PLCD1: variants seen among roughly 807,000 people sequenced by gnomAD.
PLCD1 encodes the protein 1-phosphatidylinositol 4,5-bisphosphate phosphodiesterase delta-1.
Under a neutral mutation model 87.4 loss-of-function variants are expected in PLCD1, and 71 were observed. The observed-to-expected ratio is 0.81, with a 90% CI of 0.67 to 0.99. The LOEUF (loss-of-function observed/expected upper bound fraction) is 0.99, where lower values mean the gene tolerates loss of function less well. Ranked by LOEUF, PLCD1 falls within the 50% of genes least tolerant of loss-of-function variation. PLCD1 has a pLI of 0.00. For missense variants in PLCD1, 867 were observed against 1,001.5 expected (o/e 0.87, Z 1.81); for synonymous variants, 348 against 399.2 (o/e 0.87, Z 1.53).
At chr3:38,026,167 A>G (rs1226716598) in intron 1 of PLCD1, among the ~76,000 whole-genome samples, 1 of 152,186 alleles carries the variant, frequency 6.6e-6, no homozygotes, top group Non-Finnish European at 1.5e-5. Context: ...AGATAGAATA[A>G]CATCTCAAAA....
At position 38,009,323 on chromosome 3, in the gene PLCD1, CGTA is replaced by C; in HGVS notation, c.1552_1554del (p.Tyr518del). The stretch of plus-strand genomic sequence containing the variant: ...CGGTTCTCAGAGAAGGACGCCATCT[CGTA>C]GAAGGCCTGTCCAGGGGTGCCAGGA... On this transcript the variant is annotated inframe_deletion, in exon 10 of 15. Coordinates refer to ENST00000334661, the MANE Select transcript of PLCD1 (RefSeq NM_006225.4). 6.2e-7 allele frequency: 1 copy of C among 1,614,172 alleles called. No individual in the cohort carries two copies. The highest frequency in any genetic ancestry group is 8.5e-7 in the Non-Finnish European group (1 of 1,180,016).
At chr3:38,024,575 A>T (rs1700283720) in intron 1 of PLCD1, 1 of 1,508,106 alleles carries the variant, frequency 6.6e-7, no homozygotes, top group Non-Finnish European at 8.9e-7. Flanking sequence ...GAGTCCAGGA[A>T]TGGGAGGGAG....
At position 38,008,249 on chromosome 3, in the gene PLCD1, A is replaced by C; in HGVS notation, c.2021T>G (p.Val674Gly). Residue 674 changes from valine to glycine, a missense_variant, in exon 13 of 15, where the codon GTC (valine) becomes GGC (glycine). Val to Gly is a moderately radical substitution (Grantham distance 109). Coordinates refer to ENST00000334661, the MANE Select transcript of PLCD1 (RefSeq NM_006225.4). ...SRDVASRQTA[V>G]ITNNGFNPWW... ...CCAGCACCTACCATTGTTGGTGATGACAGCAGTCTGGCGGCTGGCCACGTC... is the reference window on the plus strand; with the variant it reads ...CCAGCACCTACCATTGTTGGTGATGCCAGCAGTCTGGCGGCTGGCCACGTC... The C allele has an allele frequency of 6.2e-7, 1 of 1,614,174 alleles. No homozygotes were observed. Among genetic ancestry groups the C allele is most frequent in the Non-Finnish European group, 8.5e-7 (1 of 1,180,054 alleles).
rs367622329 is a variant in PLCD1 at position 38,010,472 on chromosome 3, A to G, written c.881T>C (p.Val294Ala). Reference protein sequence around the residue: ...GSAFSLAHRRVYQDMGQPLSH... With the variant: ...GSAFSLAHRRAYQDMGQPLSH... ...AAGTGGCTGGCCCATGTCCTGGTAG[A>G]CACGGCGGTGTGCCAGGCTGAAGGC... Residue 294 changes from valine (V) to alanine (A), a missense_variant, in exon 6 of 15, where the codon GTC (valine) becomes GCC (alanine). Physicochemically the swap from Val to Ala is moderately conservative, Grantham distance 64. Coordinates refer to ENST00000334661, the MANE Select transcript of PLCD1 (RefSeq NM_006225.4). 1.1e-4 allele frequency: 174 copies of G among 1,614,038 alleles called. No homozygotes were observed. The highest frequency in any genetic ancestry group is 1.4e-4 in the Non-Finnish European group (161 of 1,180,006).
chr3:38,011,814 G>C (rs1003090551), intron 3 of PLCD1, 141 bp from the exon 4 acceptor site: 1 of 775,008 alleles, frequency 1.3e-6, no homozygotes, highest in South Asian at 1.5e-5. Context: ...TGTTTCAGTG[G>C]CCTCTTCAGA....
chr3:38,009,474 G>T (rs1170288665), intron 9 of PLCD1, 43 bp from the exon 10 acceptor site: 2 of 1,607,796 alleles, frequency 1.2e-6, no homozygotes, highest in Non-Finnish European at 1.7e-6. Context: ...AGTGGTTGGG[G>T]TAGGGTAGGC....
intron 3 of PLCD1, among the ~76,000 whole-genome samples, chr3:38,013,901 C>T (rs530893145): frequency 6.6e-6 from 1 of 152,230 alleles, no homozygotes; most frequent in East Asian, 1.9e-4. Context: ...TAACAGGGCT[C>T]AAAATGTGTC....
chr3:38,024,466 C>T (rs952372974), intron 1 of PLCD1: 1 of 1,596,078 alleles, frequency 6.3e-7, no homozygotes, highest in Non-Finnish European at 8.5e-7. Flanking sequence ...TGCGCGGAGC[C>T]GGGTCCGGGG....
In PLCD1 at chr3:38,010,484, G is replaced by C; in HGVS notation, c.869C>G (p.Ala290Gly). 1 of 1,614,058 alleles carries C rather than the reference G, an allele frequency of 6.2e-7. No homozygotes were observed. The highest frequency in any genetic ancestry group is 1.1e-5 in the South Asian group (1 of 91,084). The change falls in exon 6 of 15, where the codon GCA (alanine) becomes GGA (glycine). Residue 290 changes from alanine (A) to glycine (G), a missense_variant. Coordinates refer to ENST00000334661, the MANE Select transcript of PLCD1 (RefSeq NM_006225.4). ...CATGTCCTGGTAGACACGGCGGTGTGCCAGGCTGAAGGCGCTGCCGTCAGC... is the reference window on the plus strand; with the variant it reads ...CATGTCCTGGTAGACACGGCGGTGTCCCAGGCTGAAGGCGCTGCCGTCAGC... The part of the protein sequence containing the change: ...LSADGSAFSL[A>G]HRRVYQDMGQ...
chr3:38,023,726 A>T (rs1167452185), intron 1 of PLCD1, among the ~76,000 whole-genome samples: 1 of 151,964 alleles, frequency 6.6e-6, no homozygotes, highest in East Asian at 1.9e-4. Context: ...CCACTGTCAC[A>T]TTGGTTATAC....
chr3:38,012,773 T>G (rs1037441561), intron 3 of PLCD1, among the ~76,000 whole-genome samples: 5 of 152,182 alleles, frequency 3.3e-5, no homozygotes, highest in African/African-American at 1.2e-4. Flanking sequence ...CGCCTTGGCC[T>G]CCCAAAGTGC....
intron 1 of PLCD1, among the ~76,000 whole-genome samples, chr3:38,020,684 G>A (rs1700221089): frequency 6.6e-6 from 1 of 152,194 alleles, no homozygotes; most frequent in Non-Finnish European, 1.5e-5. Flanking sequence ...GTTCCTAGAG[G>A]ACCAGCCCCC....
At chr3:38,013,734 T>C (rs573851649) in intron 3 of PLCD1, among the ~76,000 whole-genome samples, 3 of 152,332 alleles carry the variant, frequency 2.0e-5, no homozygotes, top group African/African-American at 7.2e-5. Context: ...GCAGAGGGCA[T>C]GAGACTGTCC....
chr3:38,009,527 A>G (rs1374829763), intron 9 of PLCD1, 96 bp from the exon 10 acceptor site: 1 of 1,557,482 alleles, frequency 6.4e-7, no homozygotes. Context: ...ACAGAGGGAG[A>G]CAGACAGAGA....
At chr3:38,024,501 C>T in intron 1 of PLCD1, 1 of 1,551,958 alleles carries the variant, frequency 6.4e-7, no homozygotes, top group Non-Finnish European at 8.7e-7. Context: ...GTGTTTTATG[C>T]TCACAACACC....
chr3:38,008,702 C>T, intron 11 of PLCD1, 66 bp from the exon 12 acceptor site: 1 of 1,415,954 alleles, frequency 7.1e-7, no homozygotes. Context: ...ACAGCCTGCT[C>T]AGGGTACACT....
At position 38,010,276 on chromosome 3, in the gene PLCD1, C is replaced by G. The variant is rs759159713; in HGVS notation, c.993-1G>C. 3.1e-6 allele frequency: 5 copies of G among 1,614,102 alleles called. No individual in the cohort carries two copies. Among genetic ancestry groups the G allele is most frequent in the African/African-American group, 1.3e-5 (1 of 74,936 alleles). On this transcript the variant is annotated splice_acceptor_variant, in intron 6 of 14. Coordinates refer to ENST00000334661, the MANE Select transcript of PLCD1 (RefSeq NM_006225.4). LOFTEE classifies it high-confidence loss of function. ...GCATCGGCAGCCTTTGCACAGTGCC[C>G]TGCGGGGAGGGTGGTGGCTAGGACC...
Position 38,011,630 on chromosome 3 carries a change from T to C in PLCD1, c.472A>G (p.Asn158Asp), listed in dbSNP as rs757059595. 32 of 1,614,088 alleles carry C rather than the reference T, an allele frequency of 2.0e-5. 1 individual carries two copies. The South Asian group carries it at 3.3e-4, about 17-fold the overall frequency. The change falls in exon 4 of 15, where the codon AAC becomes GAC. Residue 158 changes from asparagine to aspartate, a missense_variant. Physicochemically the swap from Asn to Asp is conservative, Grantham distance 23. Transcript: ENST00000334661. ...TGCAGCTCCTTGAAGCTCATCTTGT[T>C]GTCCTTGTTTTTGTCAGCTTTTCGC... is the stretch of plus-strand genomic sequence containing the variant. ...CLRKADKNKD[N>D]KMSFKELQNF...
chr3:38,007,691 G>T lies in PLCD1; in HGVS notation c.*82C>A. 1 of 1,066,250 alleles carries T rather than the reference G, an allele frequency of 9.4e-7. No homozygotes were observed. Among genetic ancestry groups the T allele is most frequent in the Non-Finnish European group, 1.5e-6 (1 of 688,904 alleles). 66.0% of individuals were successfully genotyped at this position (1,066,250 alleles called of 1,614,324 possible). A position where few individuals can be genotyped will look rare whatever the true frequency, so the allele number is the denominator to read the frequency against. The stretch of plus-strand genomic sequence containing the variant: ...GGGCCTAGCTCTGAGCAAGAGGCTG[G>T]GAGCAGCCACACCAGCCCTGTCCCC... On this transcript the variant is annotated 3_prime_UTR_variant, in exon 15 of 15. Transcript: ENST00000334661.
Sources: gnomAD v4.1 joint callset for allele counts (sites outside exome capture counted in the v4.1 genomes callset) on GRCh38, gnomAD v4.1.1 for gene constraint, MANE v1.5 for transcripts, NCBI Gene and HGNC (gene_info 2026-07-23, HGNC 2026-07-21) for gene names.